ZNF750: variants seen among roughly 807,000 people sequenced by gnomAD.
ZNF750 encodes zinc finger protein 750.
ZNF750 carries 10 observed loss-of-function variants against 31.6 expected under a neutral mutation model. The ratio of observed to expected loss-of-function variants is 0.32; its 90% CI spans 0.19 to 0.54. ZNF750 has a LOEUF of 0.54. ZNF750 is among the 20% of genes least tolerant of loss of function. ZNF750 has a pLI of 0.95. For missense variants in ZNF750, 914 were observed against 934.9 expected (o/e 0.98, Z 0.29); for synonymous variants, 400 against 404.9 (o/e 0.99, Z 0.15).
Position 82,832,514 on chromosome 17 carries a change from G to C in ZNF750, c.-60C>G. 6.8e-7 allele frequency: 1 copy of C among 1,461,330 alleles called. No homozygotes were observed. The highest frequency in any genetic ancestry group is 9.5e-7 in the Non-Finnish European group (1 of 1,054,628). The allele number at this position is 1,461,330 out of a possible 1,614,324, so 90.5% of individuals were successfully genotyped here. On this transcript the variant is annotated 5_prime_UTR_variant, in exon 2 of 3. Coordinates refer to ENST00000269394, the MANE Select transcript of ZNF750 (RefSeq NM_024702.3). This position sits in a 1 kb window ranked among gnomAD's most constrained non-coding sequence, Gnocchi z 4.9. ...GTGGCGTGATCACTGTCGACGCCGC[G>C]TGCACTTCGTGGTTTCTAAAGAGGC...
Position 82,830,201 on chromosome 17 carries a change from CCTT to C in ZNF750, c.2110_2112del (p.Lys704del), listed in dbSNP as rs755160805. 6.2e-7 allele frequency: 1 copy of C among 1,614,212 alleles called. No homozygotes were observed. Among genetic ancestry groups the C allele is most frequent in the South Asian group, 1.1e-5 (1 of 91,090 alleles). On this transcript the variant is annotated inframe_deletion, in exon 3 of 3. Transcript: ENST00000269394. ...ACTCTGGCCGTGTCCTGCAGCTTCG[CCTT>C]CTTAGCTCCTTGCTGGGATTTTCCA... is the stretch of plus-strand genomic sequence containing the variant.
At position 82,833,962 on chromosome 17, in the gene ZNF750, G is replaced by A. The variant is rs578100443; in HGVS notation, c.-182-1326C>T. 1.4e-4 allele frequency among the ~76,000 whole-genome samples: 19 copies of A among 139,532 alleles called. No individual in the cohort carries two copies. Among genetic ancestry groups the A allele is most frequent in the African/African-American group, 4.8e-4 (19 of 39,450 alleles). The allele number at this position is 139,532 out of a possible 152,430, so 91.5% of individuals were successfully genotyped here. On this transcript the variant is annotated intron_variant, in intron 1 of 2. Coordinates refer to ENST00000269394, the MANE Select transcript of ZNF750 (RefSeq NM_024702.3). This position sits in a 1 kb window ranked among gnomAD's most constrained non-coding sequence, Gnocchi z 4.7. ...GAACAAAGGCTGTTTTTCTTTTTTT[G>A]AGACAGAGTTTCTCCCTTGTTGCCC...
chr17:82,836,003 T>C (rs932334393), intron 1 of ZNF750, among the ~76,000 whole-genome samples: 3 of 152,192 alleles, frequency 2.0e-5, no homozygotes, highest in Non-Finnish European at 2.9e-5. Flanking sequence ...TCTCCCACCG[T>C]GGGCTGCCAC....
Position 82,831,847 on chromosome 17 carries a change from G to A in ZNF750, c.608C>T (p.Pro203Leu). ...TGAGCCGGCTTTCCAGGGGTAGCCA[G>A]GAGTGTGGAAGGCCGACTTGGTGTG... ...SFHTKSAFHT[P>L]GYPWKAGSPF... Residue 203 changes from proline to leucine, a missense_variant, in exon 2 of 3, where the codon CCT (proline) becomes CTT (leucine). Pro to Leu is a moderately conservative substitution (Grantham distance 98). Coordinates refer to ENST00000269394, the MANE Select transcript of ZNF750 (RefSeq NM_024702.3). The surrounding 1 kb of genome is among the most constrained non-coding windows in gnomAD (Gnocchi z 4.6). 1 of 1,614,244 alleles carries A rather than the reference G, an allele frequency of 6.2e-7. No individual in the cohort carries two copies. Among genetic ancestry groups the A allele is most frequent in the Middle Eastern group, 1.6e-4 (1 of 6,062 alleles).
chr17:82,830,478 TGTGG>T lies in ZNF750; in HGVS notation c.1832_1835del (p.Pro611GlnfsTer59). On this transcript the variant is annotated frameshift_variant, in exon 3 of 3. Coordinates refer to ENST00000269394, the MANE Select transcript of ZNF750 (RefSeq NM_024702.3). LOFTEE classifies it low-confidence loss of function (END_TRUNC). ...CGTCTGGAGCCTCCTCGCCGGGGCC[TGTGG>T]GTGGGGCCCCGTCACCGTCGAGGCT... 6.2e-7 allele frequency: 1 copy of T among 1,613,238 alleles called. No individual in the cohort carries two copies. The highest frequency in any genetic ancestry group is 8.5e-7 in the Non-Finnish European group (1 of 1,179,700).
rs770299355 is a variant in ZNF750 at position 82,831,672 on chromosome 17, C to T, written c.783G>A (p.Leu261=). 53 of 1,613,998 alleles carry T rather than the reference C, an allele frequency of 3.3e-5. 2 individuals carry two copies. In the South Asian group the frequency reaches 5.8e-4, roughly 18 times the overall value. The change falls in exon 2 of 3, where the codon CTG becomes CTA. Residue 261 remains leucine, a synonymous_variant. Transcript: ENST00000269394. This position sits in a 1 kb window ranked among gnomAD's most constrained non-coding sequence, Gnocchi z 4.6. ...GLATIYSPYL[L]AGSSPECDAP... is the part of the protein sequence containing the mutation. The stretch of plus-strand genomic sequence containing the variant: ...CGTCACACTCAGGCGAGCTCCCAGC[C>T]AGCAGGTAAGGCGAGTAGATGGTGG...
chr17:82,831,168 G>T lies in ZNF750; in HGVS notation c.1287C>A (p.Gly429=), dbSNP rs199514083. 10 of 1,614,120 alleles carry T rather than the reference G, an allele frequency of 6.2e-6. No homozygotes were observed. The African/African-American group carries it at 1.3e-4, about 22-fold the overall frequency. Residue 429 remains glycine, a synonymous_variant, in exon 2 of 3, where the codon GGC becomes GGA. Coordinates refer to ENST00000269394, the MANE Select transcript of ZNF750 (RefSeq NM_024702.3). This position sits in a 1 kb window ranked among gnomAD's most constrained non-coding sequence, Gnocchi z 4.6. The stretch of plus-strand genomic sequence containing the variant: ...CTGCCTTGTTGGAGAGGTCGTACAG[G>T]CCTTCGCAGGTCTGGCTCGTCTGCA... ...DFMQTSQTCE[G]LYDLSNKAAS...
In ZNF750 at chr17:82,835,971, C is replaced by G. The variant is rs956328145; in HGVS notation, c.-182-3335G>C. 1.3e-5 allele frequency among the ~76,000 whole-genome samples: 2 copies of G among 152,218 alleles called. No homozygotes were observed. Among genetic ancestry groups the G allele is most frequent in the Non-Finnish European group, 2.9e-5 (2 of 68,036 alleles). On this transcript the variant is annotated intron_variant, in intron 1 of 2. Coordinates refer to ENST00000269394, the MANE Select transcript of ZNF750 (RefSeq NM_024702.3). This position sits in a 1 kb window ranked among gnomAD's most constrained non-coding sequence, Gnocchi z 4.5. ...AGGGTGTCGGGTGACACCCTGGGCT[C>G]AGACCCCGCGCTCAGCACCCGTCTC...
At position 82,830,324 on chromosome 17, in the gene ZNF750, G is replaced by T; in HGVS notation, c.1990C>A (p.Arg664=). ...GDAAAPEPAC[R]QDTPTLSSME... is the part of the protein sequence containing the mutation. ...GAGCTCAGTGTGGGTGTGTCTTGCC[G>T]GCAGGCAGGTTCCGGGGCCGCAGCA... The change falls in exon 3 of 3, where the codon CGG becomes AGG. Residue 664 remains arginine, a synonymous_variant. Transcript: ENST00000269394. The T allele has an allele frequency of 6.2e-7, 1 of 1,614,088 alleles. No individual in the cohort carries two copies. Among genetic ancestry groups the T allele is most frequent in the African/African-American group, 1.3e-5 (1 of 75,044 alleles).
Position 82,831,812 on chromosome 17 carries a change from G to T in ZNF750, c.643C>A (p.Pro215Thr). 1 of 1,614,210 alleles carries T rather than the reference G, an allele frequency of 6.2e-7. No individual in the cohort carries two copies. Among genetic ancestry groups the T allele is most frequent in the African/African-American group, 1.3e-5 (1 of 75,056 alleles). ...YPWKAGSPFL[P>T]PEFPHKISST... ...GAGATTTTATGTGGAAACTCTGGTG[G>T]AAGGAAAGGTGAGCCGGCTTTCCAG... Residue 215 changes from proline (P) to threonine (T), a missense_variant, in exon 2 of 3, where the codon CCA (proline) becomes ACA (threonine). By Grantham distance (38) the Pro-to-Thr change is conservative (BLOSUM62 -1). Around this residue, in one of 2 missense-constraint regions of ZNF750, gnomAD observed 880 missense variants for 868.9 expected, o/e 1.01. Coordinates refer to ENST00000269394, the MANE Select transcript of ZNF750 (RefSeq NM_024702.3). This position sits in a 1 kb window ranked among gnomAD's most constrained non-coding sequence, Gnocchi z 4.6.
At chr17:82,838,601 T>G (rs2054188061) in intron 1 of ZNF750, 1 of 973,240 alleles carries the variant, frequency 1.0e-6, no homozygotes, top group Non-Finnish European at 1.2e-6. Context: ...CTACCCACTG[T>G]GATGTCGCAA....
rs759008982 is a variant in ZNF750, at chr17:82,831,959, C to T, written c.496G>A (p.Gly166Ser). The change falls in exon 2 of 3, where the codon GGC (glycine) becomes AGC (serine). Residue 166 changes from glycine (G) to serine (S), a missense_variant. Transcript: ENST00000269394. This position sits in a 1 kb window ranked among gnomAD's most constrained non-coding sequence, Gnocchi z 4.6. ...AARPSAFVPVGEHRLKGPDNA... is the reference protein window; with the variant it reads ...AARPSAFVPVSEHRLKGPDNA... ...TCTGGCCCCTTGAGTCTGTGCTCGC[C>T]GACTGGAACAAATGCAGAAGGCCGA... The T allele has an allele frequency of 2.5e-5, 41 of 1,613,880 alleles. No individual in the cohort carries two copies. The highest frequency in any genetic ancestry group is 1.2e-4 in the African/African-American group (9 of 75,038).
Position 82,831,317 on chromosome 17 carries a change from G to A in ZNF750, c.1138C>T (p.Pro380Ser). ...PNRKHVEFESPIPEAKDSSKA... is the reference protein window; with the variant it reads ...PNRKHVEFESSIPEAKDSSKA... ...GAGGAGTCTTTAGCCTCAGGAATTG[G>A]ACTTTCGAACTCGACGTGTTTTCTG... Residue 380 changes from proline to serine, a missense_variant, in exon 2 of 3, where the codon CCA (proline) becomes TCA (serine). Pro to Ser is a moderately conservative substitution (Grantham distance 74, BLOSUM62 -1). Around this residue, in one of 2 missense-constraint regions of ZNF750, gnomAD observed 880 missense variants for 868.9 expected, o/e 1.01. Transcript: ENST00000269394. This position sits in a 1 kb window ranked among gnomAD's most constrained non-coding sequence, Gnocchi z 4.6. 1 of 1,614,012 alleles carries A rather than the reference G, an allele frequency of 6.2e-7. No homozygotes were observed. Among genetic ancestry groups the A allele is most frequent in the East Asian group, 2.2e-5 (1 of 44,878 alleles).
chr17:82,839,604 G>C (rs2054294938), intron 1 of ZNF750, among the ~76,000 whole-genome samples: 1 of 152,162 alleles, frequency 6.6e-6, no homozygotes, highest in African/African-American at 2.4e-5. Context: ...ATTTATTGTA[G>C]TTTGTTTTTG....
rs146755596 is a variant in ZNF750, at chr17:82,830,522, C to T, written c.1792G>A (p.Glu598Lys). Residue 598 changes from glutamate to lysine, a missense_variant, in exon 3 of 3, where the codon GAG becomes AAG. By Grantham distance (56) the Glu-to-Lys change is moderately conservative (BLOSUM62 1). Around this residue, in one of 2 missense-constraint regions of ZNF750, gnomAD observed 880 missense variants for 868.9 expected, o/e 1.01. Coordinates refer to ENST00000269394, the MANE Select transcript of ZNF750 (RefSeq NM_024702.3). ...CCGTCGAGGCTGCCTGGCTTGGTCT[C>T]AGGGTGGCTGGGCCCATCCTCAGAA... ...EGSEDGPSHP[E>K]TKPGSLDGDG... 2.5e-6 allele frequency: 4 copies of T among 1,613,904 alleles called. No homozygotes were observed. The highest frequency in any genetic ancestry group is 3.3e-5 in the Admixed American group (2 of 60,014).
At position 82,832,618 on chromosome 17, in the gene ZNF750, G is replaced by A. The variant is rs1182172470; in HGVS notation, c.-164C>T. The A allele has an allele frequency of 4.4e-5, 30 of 675,814 alleles. No individual in the cohort carries two copies. The highest frequency in any genetic ancestry group is 6.2e-5 in the Non-Finnish European group (24 of 387,584). 41.9% of individuals were successfully genotyped at this position (675,814 alleles called of 1,614,324 possible). On this transcript the variant is annotated 5_prime_UTR_variant, in exon 2 of 3. It adds an upstream start codon to the 5' untranslated region. Coordinates refer to ENST00000269394, the MANE Select transcript of ZNF750 (RefSeq NM_024702.3). The surrounding 1 kb of genome is among the most constrained non-coding windows in gnomAD (Gnocchi z 4.9). Reference sequence around the variant, plus strand: ...TGCTGAGGGTCTGGCGAGAGCCTCCGTCATCTGGCGGCTGGGAGCTGTAAT... The same window carrying A: ...TGCTGAGGGTCTGGCGAGAGCCTCCATCATCTGGCGGCTGGGAGCTGTAAT...
At chr17:82,837,505 T>C (rs1309033758) in intron 1 of ZNF750, among the ~76,000 whole-genome samples, 1 of 151,874 alleles carries the variant, frequency 6.6e-6, no homozygotes, top group Admixed American at 6.6e-5. Flanking sequence ...CTGGGGGAGG[T>C]GTGTTTCCAT....
chr17:82,838,335 TAAAA>T (rs11370957), intron 1 of ZNF750, among the ~76,000 whole-genome samples: 1 of 150,064 alleles, frequency 6.7e-6, no homozygotes, highest in African/African-American at 2.5e-5. Context: ...AAAGAGTTCT[TAAAA>T]AAAAAAACTT....
chr17:82,830,247 C>T lies in ZNF750; in HGVS notation c.2067G>A (p.Arg689=), dbSNP rs1383953247. ...QCDLRPKGQK[R]TSLRDAGKSQ... ...ATTTTCCAGCATCCCTTAGACTTGT[C>T]CTCTTTTGTCCTTTGGGTCTGAGGT... Residue 689 remains arginine, a synonymous_variant, in exon 3 of 3, where the codon AGG becomes AGA. Transcript: ENST00000269394. 6.8e-6 allele frequency: 11 copies of T among 1,614,244 alleles called. No individual in the cohort carries two copies. The highest frequency in any genetic ancestry group is 1.1e-5 in the South Asian group (1 of 91,090).
Sources: gnomAD v4.1 joint callset for allele counts (sites outside exome capture counted in the v4.1 genomes callset) on GRCh38, gnomAD v4.1.1 for gene constraint, gnomAD v4.1.1 regional missense constraint, Gnocchi (gnomAD v3.1) non-coding constraint, MANE v1.5 for transcripts, NCBI Gene and HGNC (gene_info 2026-07-23, HGNC 2026-07-21) for gene names.